Variants in RTN1 observed in about 807,000 individuals in gnomAD.
The protein encoded by RTN1 is reticulon 1.
In RTN1, 25 loss-of-function variants were observed where a neutral mutation model predicts 65.5. The observed-to-expected ratio is 0.38, with a 90% CI of 0.28 to 0.53. The LOEUF is 0.53. RTN1 is among the 20% of genes least tolerant of loss of function. RTN1 has a pLI of 0.79. For missense variants in RTN1, 983 were observed against 1,025.4 expected (o/e 0.96, Z 0.57); for synonymous variants, 471 against 447.6 (o/e 1.05, Z -0.66).
At chr14:59,650,852 A>C (rs1218091469) in intron 3 of RTN1, among the ~76,000 whole-genome samples, 1 of 152,206 alleles carries the variant, frequency 6.6e-6, no homozygotes, top group Non-Finnish European at 1.5e-5. Context: ...TATAGGTTCA[A>C]ACCTATCTAC....
intron 1 of RTN1, among the ~76,000 whole-genome samples, chr14:59,791,280 A>G (rs907093030): frequency 1.3e-5 from 2 of 152,088 alleles, no homozygotes; most frequent in Non-Finnish European, 2.9e-5. Context: ...TCAAGACAAT[A>G]TAATTGTTCC....
chr14:59,865,076 A>C (rs1216956817), intron 1 of RTN1, among the ~76,000 whole-genome samples: 1 of 152,170 alleles, frequency 6.6e-6, no homozygotes, highest in East Asian at 1.9e-4. Flanking sequence ...AATCTGAAAA[A>C]GAGGGAAATA....
In RTN1 at chr14:59,825,930, A is replaced by G. The variant is rs1211874023; in HGVS notation, c.241+44460T>C. Among the ~76,000 whole-genome samples, 3 of 152,198 alleles carry G rather than the reference A, an allele frequency of 2.0e-5. No homozygotes were observed. The highest frequency in any genetic ancestry group is 2.1e-4 in the South Asian group (1 of 4,826). ...CTAACAGTTTGTGGTACCCATTCCC[A>G]GTACCCTAGTTCAGACATTTCATTC... On this transcript the variant is annotated intron_variant, in intron 1 of 8. Coordinates refer to ENST00000267484, the MANE Select transcript of RTN1 (RefSeq NM_021136.3). This position sits in a 1 kb window ranked among gnomAD's most constrained non-coding sequence, Gnocchi z 4.2.
chr14:59,677,444 G>C (rs1227178374), intron 3 of RTN1, among the ~76,000 whole-genome samples: 1 of 152,030 alleles, frequency 6.6e-6, no homozygotes, highest in Non-Finnish European at 1.5e-5. Flanking sequence ...AAGAAAGTAG[G>C]GACACGAGAA....
chr14:59,834,758 C>A (rs1887185693), intron 1 of RTN1, among the ~76,000 whole-genome samples: 1 of 152,056 alleles, frequency 6.6e-6, no homozygotes. Flanking sequence ...ACAAAAAATT[C>A]AAAATGATGA....
At chr14:59,603,601 T>A (rs1034208124) in intron 6 of RTN1, among the ~76,000 whole-genome samples, 1 of 151,846 alleles carries the variant, frequency 6.6e-6, no homozygotes, top group African/African-American at 2.4e-5. Context: ...AATATATATA[T>A]TACAAGCCAG....
chr14:59,749,861 GTATATTTATA>G (rs1885401715), intron 1 of RTN1, among the ~76,000 whole-genome samples: 3 of 103,188 alleles, frequency 2.9e-5, no homozygotes, highest in Admixed American at 3.0e-4. Flanking sequence ...ATATCTATAT[GTATATTTATA>G]TATCTATATA....
chr14:59,610,411 T>C (rs1881912150), intron 3 of RTN1, among the ~76,000 whole-genome samples: 1 of 152,244 alleles, frequency 6.6e-6, no homozygotes, highest in Admixed American at 6.5e-5. Flanking sequence ...ATTATCTATT[T>C]ACATTGATTC....
rs551581246 is a variant in RTN1, at chr14:59,868,177, C to T, written c.241+2213G>A. Among the ~76,000 whole-genome samples the T allele has an allele frequency of 1.3e-5, 2 of 152,204 alleles. No individual in the cohort carries two copies. Among genetic ancestry groups the T allele is most frequent in the African/African-American group, 4.8e-5 (2 of 41,522 alleles). ...TTATTTATTTATACAGCATTTCTGG[C>T]GTTTGAGTCTCTTATAGCAGCACAT... On this transcript the variant is annotated intron_variant, in intron 1 of 8. Coordinates refer to ENST00000267484, the MANE Select transcript of RTN1 (RefSeq NM_021136.3). The surrounding 1 kb of genome is among the most constrained non-coding windows in gnomAD (Gnocchi z 4.0).
chr14:59,750,860 T>G (rs1885504822), intron 1 of RTN1, among the ~76,000 whole-genome samples: 1 of 147,038 alleles, frequency 6.8e-6, no homozygotes, highest in Non-Finnish European at 1.5e-5. Context: ...ACTACAGGCA[T>G]GCACCAGCAT....
chr14:59,851,773 C>T (rs969922125), intron 1 of RTN1, among the ~76,000 whole-genome samples: 5 of 150,930 alleles, frequency 3.3e-5, no homozygotes, highest in African/African-American at 4.9e-5. Context: ...AAGGGAATCG[C>T]TTGAACCTGG....
chr14:59,616,812 G>A (rs2140172965), intron 3 of RTN1, among the ~76,000 whole-genome samples: 1 of 152,280 alleles, frequency 6.6e-6, no homozygotes, highest in South Asian at 2.1e-4. Flanking sequence ...GCTATTGAAA[G>A]AGAGGAAAAG....
chr14:59,841,704 T>TAAAAAA (rs71451082), intron 1 of RTN1, among the ~76,000 whole-genome samples: 1 of 101,806 alleles, frequency 9.8e-6, no homozygotes, highest in African/African-American at 3.6e-5. Context: ...GAGACTCCAT[T>TAAAAAA]AAAAAAAAAA....
rs769910287 is a variant in RTN1 at position 59,727,571 on chromosome 14, G to T, written c.1113C>A (p.Ala371=). 1.2e-6 allele frequency: 2 copies of T among 1,612,084 alleles called. No homozygotes were observed. Among genetic ancestry groups the T allele is most frequent in the Non-Finnish European group, 1.7e-6 (2 of 1,179,558 alleles). Residue 371 remains alanine (A), a synonymous_variant, in exon 3 of 9, where the codon GCC becomes GCA. Transcript: ENST00000267484. This position sits in a 1 kb window ranked among gnomAD's most constrained non-coding sequence, Gnocchi z 4.2. The part of the protein sequence containing the change: ...KEAKGLSYET[A]ENPRPVGQLA... ...GCTGGCCCACCGGCCGTGGGTTCTC[G>T]GCGGTTTCATACGATAATCCCTTTG...
intron 1 of RTN1, among the ~76,000 whole-genome samples, chr14:59,826,545 G>T (rs1317210226): frequency 6.6e-6 from 1 of 152,170 alleles, no homozygotes; most frequent in Non-Finnish European, 1.5e-5. Context: ...TCCTCCCCCT[G>T]ACTTTGCATT....
At chr14:59,626,561 T>C (rs1052740523) in intron 3 of RTN1, among the ~76,000 whole-genome samples, 1 of 152,190 alleles carries the variant, frequency 6.6e-6, no homozygotes, top group African/African-American at 2.4e-5. Flanking sequence ...GGATGCATGG[T>C]TCTAATCAAA....
chr14:59,661,565 G>C (rs1212917251), intron 3 of RTN1, among the ~76,000 whole-genome samples: 2 of 152,178 alleles, frequency 1.3e-5, no homozygotes, highest in East Asian at 3.9e-4. Context: ...GATCAAGTCA[G>C]CTTCATCACT....
intron 1 of RTN1, among the ~76,000 whole-genome samples, chr14:59,813,579 T>C (rs942658879): frequency 2.9e-4 from 44 of 152,282 alleles, no homozygotes; most frequent in African/African-American, 3.6e-4. Flanking sequence ...AGAGCTAAAC[T>C]AGCCTAAGAG....
chr14:59,838,729 C>T (rs1887257913), intron 1 of RTN1, among the ~76,000 whole-genome samples: 1 of 152,040 alleles, frequency 6.6e-6, no homozygotes, highest in African/African-American at 2.4e-5. Flanking sequence ...TGAAGTTCTC[C>T]AGGGTACATA....
Sources: gnomAD v4.1 joint callset for allele counts (sites outside exome capture counted in the v4.1 genomes callset) on GRCh38, gnomAD v4.1.1 for gene constraint, Gnocchi (gnomAD v3.1) non-coding constraint, MANE v1.5 for transcripts, NCBI Gene and HGNC (gene_info 2026-07-23, HGNC 2026-07-21) for gene names.